Variants in SMAD9 observed in about 807,000 individuals in gnomAD.
The protein encoded by SMAD9 is SMAD family member 9, also known as MAD homolog 9.
Under a neutral mutation model 46.1 loss-of-function variants are expected in SMAD9, and 36 were observed. That is an observed-to-expected ratio of 0.78 (90% confidence interval 0.60 to 1.03). The LOEUF (loss-of-function observed/expected upper bound fraction) is 1.03, where lower values mean the gene tolerates loss of function less well. Ranked by LOEUF, SMAD9 falls within the 50% of genes least tolerant of loss-of-function variation. SMAD9 has a pLI of 0.00. For missense variants in SMAD9, 572 were observed against 599.8 expected (o/e 0.95, Z 0.48); for synonymous variants, 245 against 237.1 (o/e 1.03, Z -0.31).
chr13:36,865,265 T>C (rs1346361624), intron 5 of SMAD9, among the ~76,000 whole-genome samples: 1 of 152,226 alleles, frequency 6.6e-6, no homozygotes, highest in Non-Finnish European at 1.5e-5. Flanking sequence ...TCCGGCTTTC[T>C]TCATATTTAT....
intron 1 of SMAD9, among the ~76,000 whole-genome samples, chr13:36,919,552 A>G (rs1475418047): frequency 6.6e-6 from 1 of 152,100 alleles, no homozygotes; most frequent in Non-Finnish European, 1.5e-5. Context: ...GGCGAGTTTA[A>G]AAGTGGCCCC....
intron 1 of SMAD9, among the ~76,000 whole-genome samples, chr13:36,915,185 A>G (rs1023560202): frequency 6.6e-6 from 1 of 152,226 alleles, no homozygotes; most frequent in African/African-American, 2.4e-5. Flanking sequence ...CTAAGTCGTC[A>G]GAATCCTCAA....
chr13:36,902,527 C>T (rs925441401), intron 1 of SMAD9, among the ~76,000 whole-genome samples: 3 of 151,800 alleles, frequency 2.0e-5, no homozygotes, highest in Non-Finnish European at 4.4e-5. Flanking sequence ...AATCTCAGCT[C>T]ACAGCAACCT....
chr13:36,889,952 A>C (rs748195122), intron 1 of SMAD9, among the ~76,000 whole-genome samples: 1 of 151,648 alleles, frequency 6.6e-6, no homozygotes, highest in African/African-American at 2.4e-5. Flanking sequence ...TCAAAAATAT[A>C]AACTTAGGAA....
At chr13:36,851,998 A>T in intron 6 of SMAD9, 1 of 983,340 alleles carries the variant, frequency 1.0e-6, no homozygotes, top group Non-Finnish European at 1.2e-6. Context: ...GATTCAAATG[A>T]TGCCCTCTGC....
chr13:36,894,814 A>G (rs2058515406), intron 1 of SMAD9, among the ~76,000 whole-genome samples: 1 of 152,148 alleles, frequency 6.6e-6, no homozygotes, highest in Non-Finnish European at 1.5e-5. Flanking sequence ...TTAGCCCCCA[A>G]GTGACATCTC....
chr13:36,890,756 C>T (rs915616666), intron 1 of SMAD9, among the ~76,000 whole-genome samples: 3 of 152,026 alleles, frequency 2.0e-5, no homozygotes, highest in African/African-American at 7.3e-5. Context: ...TCCCCTCCAA[C>T]CACACATGTA....
At chr13:36,898,963 A>C (rs1201154846) in intron 1 of SMAD9, among the ~76,000 whole-genome samples, 2 of 152,210 alleles carry the variant, frequency 1.3e-5, no homozygotes, top group East Asian at 3.8e-4. Flanking sequence ...AAAGATTAGA[A>C]ATGAAAAATT....
chr13:36,872,446 T>C (rs186134814), intron 3 of SMAD9, among the ~76,000 whole-genome samples: 1 of 151,692 alleles, frequency 6.6e-6, no homozygotes, highest in African/African-American at 2.4e-5. Context: ...TCCAGAGCAT[T>C]AGAACTAAAA....
chr13:36,883,587 C>T (rs1041331688), intron 1 of SMAD9, among the ~76,000 whole-genome samples: 3 of 152,072 alleles, frequency 2.0e-5, no homozygotes, highest in Non-Finnish European at 4.4e-5. Context: ...ACCATCTCTA[C>T]AAAAAATACA....
chr13:36,916,313 G>T (rs1430758858), intron 1 of SMAD9, among the ~76,000 whole-genome samples: 1 of 152,180 alleles, frequency 6.6e-6, no homozygotes, highest in African/African-American at 2.4e-5. Flanking sequence ...GGCTTCCATT[G>T]TGTATTTAGT....
Position 36,879,314 on chromosome 13 carries a change from T to C in SMAD9, c.376A>G (p.Ile126Val), listed in dbSNP as rs879013574. ...PFGSKQKEVC[I>V]NPYHYRRVET... ...ACCCGGCGGTAGTGGTAAGGGTTAA[T>C]GCACACTTCTTTCTGCTTGGAGCCA... The change falls in exon 2 of 7, where the codon ATT (isoleucine) becomes GTT (valine). Residue 126 changes from isoleucine (I) to valine (V), a missense_variant. Physicochemically the swap from Ile to Val is conservative, Grantham distance 29. Coordinates refer to ENST00000379826, the MANE Select transcript of SMAD9 (RefSeq NM_001127217.3). 6.2e-7 allele frequency: 1 copy of C among 1,614,168 alleles called. No homozygotes were observed. The highest frequency in any genetic ancestry group is 1.1e-5 in the South Asian group (1 of 91,090).
chr13:36,911,625 G>C lies in SMAD9; in HGVS notation c.-187+8491C>G, dbSNP rs999064032. Among the ~76,000 whole-genome samples the C allele has an allele frequency of 1.7e-4, 23 of 133,068 alleles. 1 individual carries two copies. Among genetic ancestry groups the C allele is most frequent in the Admixed American group, 3.9e-4 (5 of 12,904 alleles). 87.3% of individuals were successfully genotyped at this position (133,068 alleles called of 152,430 possible). A position where few individuals can be genotyped will look rare whatever the true frequency, so the allele number is the denominator to read the frequency against. ...CGGCCAAAGGCTGCCTGGGGGGGGG[G>C]GGGGCGGGTGGAGTTCATAAACTGA... On this transcript the variant is annotated intron_variant, in intron 1 of 6. Coordinates refer to ENST00000379826, the MANE Select transcript of SMAD9 (RefSeq NM_001127217.3).
intron 3 of SMAD9, among the ~76,000 whole-genome samples, chr13:36,869,326 G>A (rs529536745): frequency 2.0e-5 from 3 of 151,910 alleles, no homozygotes; most frequent in Admixed American, 6.6e-5. Context: ...GGATTCAAGC[G>A]ATTCTCGTGC....
chr13:36,911,301 C>T (rs184518019), intron 1 of SMAD9, among the ~76,000 whole-genome samples: 68 of 152,284 alleles, frequency 4.5e-4, no homozygotes, highest in Non-Finnish European at 7.6e-4. Context: ...TGAACCATTG[C>T]ACCTGGCCAA....
At chr13:36,850,791 C>T (rs572726974) in intron 6 of SMAD9, among the ~76,000 whole-genome samples, 8 of 152,328 alleles carry the variant, frequency 5.3e-5, no homozygotes, top group South Asian at 4.1e-4. Context: ...CCTCTCTCCC[C>T]GAATCCAGAC....
intron 5 of SMAD9, among the ~76,000 whole-genome samples, chr13:36,856,606 A>T (rs1162479698): frequency 6.6e-6 from 1 of 152,200 alleles, no homozygotes; most frequent in Non-Finnish European, 1.5e-5. Context: ...GGAGGAGTCA[A>T]GTAGGCCAAC....
chr13:36,900,577 C>T (rs1010617730), intron 1 of SMAD9, among the ~76,000 whole-genome samples: 3 of 151,716 alleles, frequency 2.0e-5, no homozygotes, highest in Non-Finnish European at 4.4e-5. Context: ...CCCGCTTGGC[C>T]GACTATCTTA....
chr13:36,870,625 C>G (rs189489759), intron 3 of SMAD9, among the ~76,000 whole-genome samples: 205 of 152,340 alleles, frequency 1.3e-3, no homozygotes, highest in South Asian at 2.5e-3. Context: ...GTAGTCCCCC[C>G]TTCTCCACCA....
Sources: allele counts gnomAD v4.1 joint callset (sites outside exome capture counted in the v4.1 genomes callset), GRCh38; gene constraint gnomAD v4.1.1; transcripts MANE v1.5; gene names NCBI Gene and HGNC (gene_info 2026-07-23, HGNC 2026-07-21).